Variants in RALYL observed in about 807,000 individuals in gnomAD.
RALYL encodes the protein RNA-binding Raly-like protein.
In RALYL, 29 loss-of-function variants were observed where a neutral mutation model predicts 35.1. The ratio of observed to expected loss-of-function variants is 0.83; its 90% CI spans 0.61 to 1.13. The LOEUF (loss-of-function observed/expected upper bound fraction) is 1.13, where lower values mean the gene tolerates loss of function less well. RALYL is among the 50% of genes most tolerant of loss of function. RALYL has a pLI of 0.00. For synonymous variants in RALYL, 120 were observed against 127.6 expected, an observed-to-expected ratio of 0.94 and a Z score of 0.40; for missense variants, 359 against 360.4, an observed-to-expected ratio of 1.00 and a Z score of 0.03.
intron 1 of RALYL, among the ~76,000 whole-genome samples, chr8:84,318,365 C>A (rs532103412): frequency 2.4e-4 from 36 of 152,330 alleles, no homozygotes; most frequent in African/African-American, 8.2e-4. Flanking sequence ...ATCTTATCTG[C>A]ATCTACAACA....
chr8:84,421,826 C>T (rs1376977542), intron 1 of RALYL, among the ~76,000 whole-genome samples: 219 of 144,536 alleles, frequency 1.5e-3, no homozygotes, highest in Non-Finnish European at 2.3e-3. Context: ...TTGTCTTTGG[C>T]TCTGTTTATA....
At chr8:84,277,752 A>G (rs984448514) in intron 1 of RALYL, among the ~76,000 whole-genome samples, 3 of 152,234 alleles carry the variant, frequency 2.0e-5, no homozygotes, top group African/African-American at 7.2e-5. Flanking sequence ...AGGGCAATCA[A>G]ATCTTAAAGA....
chr8:84,829,736 GAGTT>G (rs574419753), intron 4 of RALYL, among the ~76,000 whole-genome samples: 1 of 152,128 alleles, frequency 6.6e-6, no homozygotes, highest in Non-Finnish European at 1.5e-5. Flanking sequence ...AGCGAACACT[GAGTT>G]AGCAAATACT....
intron 2 of RALYL, among the ~76,000 whole-genome samples, chr8:84,540,925 A>G (rs925457617): frequency 5.3e-5 from 8 of 152,020 alleles, no homozygotes. Context: ...TTTGATACAC[A>G]TTATCAAATA....
chr8:84,723,228 C>T (rs1288946424), intron 2 of RALYL, among the ~76,000 whole-genome samples: 1 of 151,948 alleles, frequency 6.6e-6, no homozygotes, highest in Non-Finnish European at 1.5e-5. Flanking sequence ...AGGCTTGGTT[C>T]AGGCCCTACT....
At chr8:84,718,439 T>A (rs1211502762) in intron 2 of RALYL, among the ~76,000 whole-genome samples, 1 of 152,102 alleles carries the variant, frequency 6.6e-6, no homozygotes, top group African/African-American at 2.4e-5. Context: ...AAAGACAGAT[T>A]TTTTAATTAT....
At chr8:84,272,752 A>T (rs1186662831) in intron 1 of RALYL, among the ~76,000 whole-genome samples, 1 of 152,216 alleles carries the variant, frequency 6.6e-6, no homozygotes, top group Non-Finnish European at 1.5e-5. Flanking sequence ...GGCTCATAAA[A>T]TACATAAAAA....
At chr8:84,628,497 C>T (rs1404266719) in intron 2 of RALYL, among the ~76,000 whole-genome samples, 3 of 152,116 alleles carry the variant, frequency 2.0e-5, no homozygotes, top group African/African-American at 7.2e-5. Flanking sequence ...TTACCTACTA[C>T]ATTATTTAAG....
chr8:84,321,049 T>C (rs1469886679), intron 1 of RALYL, among the ~76,000 whole-genome samples: 1 of 152,136 alleles, frequency 6.6e-6, no homozygotes, highest in African/African-American at 2.4e-5. Context: ...GAGACTTCTA[T>C]TTGTATGGTA....
chr8:84,372,886 G>GTTTTTTTTTTTTTTTTTTTTTTTTTTTTT lies in RALYL; in HGVS notation c.-23-156412_-23-156384dup, dbSNP rs76885544. 2.0e-4 allele frequency among the ~76,000 whole-genome samples: 8 copies of GTTTTTTTTTTTTTTTTTTTTTTTTTTTTT among 39,074 alleles called. 1 individual carries two copies. Among genetic ancestry groups the GTTTTTTTTTTTTTTTTTTTTTTTTTTTTT allele is most frequent in the African/African-American group, 7.7e-4 (7 of 9,124 alleles). 25.6% of individuals were successfully genotyped at this position (39,074 alleles called of 152,430 possible). On this transcript the variant is annotated intron_variant, in intron 1 of 8. Transcript: ENST00000521268. ...TTTCTCCACAACCATGCCAGCATCT[G>GTTTTTTTTTTTTTTTTTTTTTTTTTTTTT]TTTTTTTTTTTTTTTTTTTTTTTTT... is the stretch of plus-strand genomic sequence containing the variant.
At chr8:84,867,339 TTCTA>T (rs1250894684) in intron 6 of RALYL, among the ~76,000 whole-genome samples, 1 of 152,102 alleles carries the variant, frequency 6.6e-6, no homozygotes, top group Non-Finnish European at 1.5e-5. Flanking sequence ...CATCTAATCT[TTCTA>T]TTTTCAATTA....
intron 2 of RALYL, among the ~76,000 whole-genome samples, chr8:84,645,628 C>G (rs747261547): frequency 5.9e-5 from 9 of 152,034 alleles, no homozygotes; most frequent in Admixed American, 6.6e-5. Flanking sequence ...TGTCTTAGGT[C>G]TGCTAGTAAA....
intron 8 of RALYL, among the ~76,000 whole-genome samples, chr8:84,909,506 T>C (rs979296956): frequency 6.6e-6 from 1 of 152,158 alleles, no homozygotes; most frequent in Non-Finnish European, 1.5e-5. Flanking sequence ...AATATAATAG[T>C]ATTACTATTT....
intron 2 of RALYL, among the ~76,000 whole-genome samples, chr8:84,655,244 G>A (rs1297138356): frequency 6.6e-6 from 1 of 151,808 alleles, no homozygotes; most frequent in African/African-American, 2.4e-5. Flanking sequence ...GTCTTCTTTT[G>A]AGAAATGTCT....
At chr8:84,536,870 T>C (rs1038194860) in intron 2 of RALYL, among the ~76,000 whole-genome samples, 1 of 152,142 alleles carries the variant, frequency 6.6e-6, no homozygotes, top group Admixed American at 6.5e-5. Flanking sequence ...TTCGCTGCAA[T>C]AAGCATACAA....
intron 1 of RALYL, among the ~76,000 whole-genome samples, chr8:84,491,347 T>C (rs2055279463): frequency 6.6e-6 from 1 of 152,034 alleles, no homozygotes; most frequent in Admixed American, 6.6e-5. Context: ...CTCTCTCTAA[T>C]CTTACCTGTT....
At chr8:84,884,244 G>A (rs898702985) in intron 7 of RALYL, among the ~76,000 whole-genome samples, 2 of 152,008 alleles carry the variant, frequency 1.3e-5, no homozygotes, top group African/African-American at 4.8e-5. Flanking sequence ...CTAATGAGAA[G>A]AAGATGAGAA....
intron 6 of RALYL, among the ~76,000 whole-genome samples, chr8:84,868,071 G>A (rs1563775582): frequency 6.6e-6 from 1 of 151,978 alleles, no homozygotes; most frequent in Non-Finnish European, 1.5e-5. Flanking sequence ...GAGTCCATGA[G>A]ACCAGGGAGG....
chr8:84,198,266 A>T (rs1047160035), intron 1 of RALYL, among the ~76,000 whole-genome samples: 2 of 152,206 alleles, frequency 1.3e-5, no homozygotes, highest in African/African-American at 4.8e-5. Flanking sequence ...GTTATTCTAC[A>T]TTTGTAGAGG....
Sources: gnomAD v4.1 joint callset for allele counts (sites outside exome capture counted in the v4.1 genomes callset) on GRCh38, gnomAD v4.1.1 for gene constraint, MANE v1.5 for transcripts, NCBI Gene and HGNC (gene_info 2026-07-23, HGNC 2026-07-21) for gene names.